CNBD1: variants seen among roughly 807,000 people sequenced by gnomAD.
CNBD1 encodes cyclic nucleotide-binding domain-containing protein 1.
A neutral mutation model predicts 54.4 loss-of-function variants in CNBD1; 71 were observed. That is an observed-to-expected ratio of 1.30 (90% CI 1.08 to 1.59). The LOEUF (loss-of-function observed/expected upper bound fraction) is 1.59. Among genes scored for constraint, CNBD1 ranks in the 40% most tolerant of loss-of-function variants. The pLI is 0.00. For synonymous variants in CNBD1, 182 were observed against 170.7 expected (o/e 1.07, Z -0.51); for missense variants, 659 against 518.0 (o/e 1.27, Z -2.64).
chr8:86,913,342 A>G (rs762661343), intron 3 of CNBD1, among the ~76,000 whole-genome samples: 1 of 152,088 alleles, frequency 6.6e-6, no homozygotes, highest in Non-Finnish European at 1.5e-5. Flanking sequence ...ATTTAGCTCT[A>G]CCTTTTTTGT....
chr8:87,167,023 G>A (rs1348441191), intron 4 of CNBD1, among the ~76,000 whole-genome samples: 1 of 151,838 alleles, frequency 6.6e-6, no homozygotes. Flanking sequence ...ATTTTTGATT[G>A]TAGAAATAAT....
intron 6 of CNBD1, among the ~76,000 whole-genome samples, chr8:87,279,414 T>C (rs1215699651): frequency 1.3e-5 from 2 of 151,468 alleles, no homozygotes; most frequent in East Asian, 3.9e-4. Flanking sequence ...AAATATACAT[T>C]AAACGTAAAC....
chr8:87,228,316 T>C (rs1204143344), intron 5 of CNBD1, among the ~76,000 whole-genome samples: 1 of 150,984 alleles, frequency 6.6e-6, no homozygotes, highest in Non-Finnish European at 1.5e-5. Flanking sequence ...GGAGAGGCAC[T>C]CTGATTTTTA....
At chr8:87,216,000 T>G (rs1213123856) in intron 5 of CNBD1, among the ~76,000 whole-genome samples, 1 of 152,236 alleles carries the variant, frequency 6.6e-6, no homozygotes, top group Non-Finnish European at 1.5e-5. Context: ...ACCTTTTGTG[T>G]TGAGTTCTTT....
At chr8:86,889,303 G>T (rs1447140810) in intron 2 of CNBD1, among the ~76,000 whole-genome samples, 2 of 152,036 alleles carry the variant, frequency 1.3e-5, no homozygotes, top group Non-Finnish European at 2.9e-5. Context: ...GGAAGTTCAG[G>T]TCCCTTTTCT....
intron 4 of CNBD1, among the ~76,000 whole-genome samples, chr8:87,019,523 T>C (rs973620706): frequency 2.0e-5 from 3 of 152,198 alleles, no homozygotes; most frequent in Non-Finnish European, 4.4e-5. Context: ...AGGCATTTCT[T>C]GCATTTAATT....
chr8:86,879,943 G>C (rs1808580294), intron 1 of CNBD1, among the ~76,000 whole-genome samples: 1 of 152,094 alleles, frequency 6.6e-6, no homozygotes, highest in South Asian at 2.1e-4. Context: ...TGAGGTCACA[G>C]AAGTTAATTT....
rs112276198 is a variant in CNBD1, at chr8:87,171,280, C to A, written c.432-34713C>A. 5.3e-4 allele frequency among the ~76,000 whole-genome samples: 81 copies of A among 151,980 alleles called. 1 individual carries two copies. Among genetic ancestry groups the A allele is most frequent in the African/African-American group, 2.0e-3 (81 of 41,498 alleles). On this transcript the variant is annotated intron_variant, in intron 4 of 10. Coordinates refer to ENST00000518476, the MANE Select transcript of CNBD1 (RefSeq NM_173538.3). ...TGTGTCTCTAGGAATTTTGTCATATCTTCTAGATTTTGCAATATGTTGGTG... is the reference window on the plus strand; with the variant it reads ...TGTGTCTCTAGGAATTTTGTCATATATTCTAGATTTTGCAATATGTTGGTG...
intron 5 of CNBD1, among the ~76,000 whole-genome samples, chr8:87,224,560 C>T (rs1369666023): frequency 1.7e-4 from 25 of 151,016 alleles, no homozygotes; most frequent in East Asian, 7.7e-4. Context: ...TGTAGATGTG[C>T]GGTGTTATTT....
At chr8:87,087,288 T>TAC (rs1563463393) in intron 4 of CNBD1, among the ~76,000 whole-genome samples, 32 of 145,682 alleles carry the variant, frequency 2.2e-4, no homozygotes, top group African/African-American at 8.1e-4. Context: ...TATATATATA[T>TAC]ATATTTTTTA....
intron 2 of CNBD1, among the ~76,000 whole-genome samples, chr8:87,408,135 T>G (rs964160970): frequency 1.3e-5 from 2 of 152,086 alleles, no homozygotes. Context: ...TAATCTGCCT[T>G]AACATTATTT....
chr8:86,884,105 T>A (rs913351367), intron 1 of CNBD1, among the ~76,000 whole-genome samples: 1 of 148,534 alleles, frequency 6.7e-6, no homozygotes, highest in African/African-American at 2.5e-5. Flanking sequence ...TGAGCCGAGA[T>A]CCCGCCACTG....
intron 2 of CNBD1, among the ~76,000 whole-genome samples, chr8:86,899,916 C>G (rs1052807155): frequency 3.9e-5 from 6 of 152,166 alleles, no homozygotes; most frequent in Non-Finnish European, 5.9e-5. Context: ...CTCAATTCCT[C>G]CCACCCATGC....
At chr8:86,911,315 T>A (rs1809096598) in intron 3 of CNBD1, among the ~76,000 whole-genome samples, 1 of 152,230 alleles carries the variant, frequency 6.6e-6, no homozygotes, top group African/African-American at 2.4e-5. Flanking sequence ...TGCTGAGGAC[T>A]CCTTCACCCT....
At chr8:87,232,750 C>G (rs1030354752) in intron 5 of CNBD1, among the ~76,000 whole-genome samples, 1 of 152,014 alleles carries the variant, frequency 6.6e-6, no homozygotes, top group Non-Finnish European at 1.5e-5. Flanking sequence ...GTATCCCAAA[C>G]CAACTTGAGT....
At chr8:87,406,447 T>TACACACAC (rs36222951) in intron 2 of CNBD1, among the ~76,000 whole-genome samples, 10 of 122,158 alleles carry the variant, frequency 8.2e-5, no homozygotes, top group African/African-American at 2.2e-4. Context: ...TATGTGTGTA[T>TACACACAC]ACACACACAC....
chr8:86,949,036 C>T (rs542956868), intron 4 of CNBD1, among the ~76,000 whole-genome samples: 154 of 151,984 alleles, frequency 1.0e-3, no homozygotes, highest in African/African-American at 2.9e-3. Context: ...TTCTTGGTAC[C>T]GTTGTCAAAA....
At chr8:87,266,758 G>A (rs1808267291) in intron 6 of CNBD1, among the ~76,000 whole-genome samples, 1 of 151,898 alleles carries the variant, frequency 6.6e-6, no homozygotes, top group African/African-American at 2.4e-5. Context: ...AGCCACAAAA[G>A]AACTCGATGT....
chr8:87,269,280 G>A (rs1213195668), intron 6 of CNBD1, among the ~76,000 whole-genome samples: 1 of 151,998 alleles, frequency 6.6e-6, no homozygotes, highest in Non-Finnish European at 1.5e-5. Context: ...ATTGGTCTAT[G>A]TATCTTCTTT....
Sources: allele counts gnomAD v4.1 joint callset (sites outside exome capture counted in the v4.1 genomes callset), GRCh38; gene constraint gnomAD v4.1.1; transcripts MANE v1.5; gene names NCBI Gene and HGNC (gene_info 2026-07-23, HGNC 2026-07-21).